Variants in KIF4A observed in about 807,000 individuals in gnomAD.
The protein encoded by KIF4A is chromosome-associated kinesin KIF4A.
A neutral mutation model predicts 105.9 loss-of-function variants in KIF4A; 7 were observed. The ratio of observed to expected loss-of-function variants is 0.07; its 90% CI spans 0.04 to 0.12. The LOEUF is 0.12. Among genes scored for constraint, KIF4A ranks in the 10% least tolerant of loss-of-function variants. The pLI is 1.00. For missense variants in KIF4A, 558 were observed against 929.2 expected, an observed-to-expected ratio of 0.60 and a Z score of 5.19; for synonymous variants, 281 against 331.3, an observed-to-expected ratio of 0.85 and a Z score of 1.65.
intron 7 of KIF4A, among the ~76,000 whole-genome samples, chrX:70,326,124 C>T (rs748449433): frequency 2.0e-4 from 22 of 111,876 alleles, no homozygotes; most frequent in Non-Finnish European, 4.1e-4. Flanking sequence ...ATCTATCATA[C>T]CATACTTCTG....
intron 18 of KIF4A, among the ~76,000 whole-genome samples, chrX:70,380,443 C>T (rs2086193071): frequency 8.9e-6 from 1 of 112,125 alleles, no homozygotes; most frequent in Non-Finnish European, 1.9e-5. Context: ...ATGATCATCT[C>T]AATAGACACA....
At chrX:70,380,112 T>G (rs1454157157) in intron 18 of KIF4A, among the ~76,000 whole-genome samples, 1 of 111,748 alleles carries the variant, frequency 8.9e-6, no homozygotes, top group Non-Finnish European at 1.9e-5. Context: ...GAGACCAGCC[T>G]GGCCAACATG....
intron 26 of KIF4A, 77 bp downstream of exon 26, chrX:70,405,982 C>A: frequency 1.3e-6 from 1 of 794,346 alleles, no homozygotes; most frequent in Non-Finnish European, 1.9e-6. Flanking sequence ...GGACCAACCC[C>A]CATTGTGGTG....
intron 3 of KIF4A, among the ~76,000 whole-genome samples, chrX:70,294,513 G>GTT (rs2085773295): frequency 8.9e-6 from 1 of 112,419 alleles, no homozygotes; most frequent in East Asian, 2.8e-4. Flanking sequence ...TAGCAGTGAA[G>GTT]TAGGTTTCTT....
rs904997099 is a variant in KIF4A at position 70,301,470 on chromosome X, C to A, written c.517-430C>A. ...CAGTGGAAACTGTACCATGCTATTT[C>A]CTCTAGTGAAAATGAGGTTAAAAAT... On this transcript the variant is annotated intron_variant, in intron 5 of 30. Transcript: ENST00000374403. Among the ~76,000 whole-genome samples the A allele has an allele frequency of 2.7e-5, 3 of 111,154 alleles. No individual in the cohort carries two copies. In the East Asian group the frequency reaches 8.4e-4, roughly 31 times the overall value.
At chrX:70,320,320 A>G (rs1162107605) in intron 7 of KIF4A, among the ~76,000 whole-genome samples, 1 of 111,945 alleles carries the variant, frequency 8.9e-6, no homozygotes, top group African/African-American at 3.3e-5. Context: ...TCTATTCTAA[A>G]TACCATAGCT....
chrX:70,337,379 A>G (rs928747356), intron 10 of KIF4A, among the ~76,000 whole-genome samples: 3 of 111,583 alleles, frequency 2.7e-5, no homozygotes, highest in African/African-American at 9.8e-5. Context: ...CAAACAAACA[A>G]AAAAACATGG....
intron 22 of KIF4A, among the ~76,000 whole-genome samples, chrX:70,400,388 G>A (rs1358469134): frequency 2.7e-5 from 3 of 111,723 alleles, no homozygotes; most frequent in Admixed American, 9.5e-5. Context: ...ATTCCATGGT[G>A]TATATGTGCC....
At chrX:70,381,504 C>T (rs916708644) in intron 18 of KIF4A, among the ~76,000 whole-genome samples, 1 of 111,436 alleles carries the variant, frequency 9.0e-6, no homozygotes, top group African/African-American at 3.3e-5. Context: ...GCCACTGCAC[C>T]ACTCCAGCCC....
Position 70,403,991 on chromosome X carries a change from T to C in KIF4A, c.2747T>C (p.Leu916Ser). The change falls in exon 24 of 31, where the codon TTA (leucine) becomes TCA (serine). Residue 916 changes from leucine to serine, a missense_variant. By Grantham distance (145) the Leu-to-Ser change is moderately radical. This residue lies in a region of KIF4A where 469 missense variants were observed against 680.4 expected (regional missense o/e 0.69). Coordinates refer to ENST00000374403, the MANE Select transcript of KIF4A (RefSeq NM_012310.5). ...CATTTTGCCGAGATAGAGACAGAGTTACAAGCTGAGCTGGTCAGAATGGAG... is the reference window on the plus strand; with the variant it reads ...CATTTTGCCGAGATAGAGACAGAGTCACAAGCTGAGCTGGTCAGAATGGAG... Reference protein sequence around the residue: ...RNHFAEIETELQAELVRMEQQ... With the variant: ...RNHFAEIETESQAELVRMEQQ... 1.7e-6 allele frequency: 2 copies of C among 1,209,724 alleles called. No individual in the cohort carries two copies. The highest frequency in any genetic ancestry group is 1.1e-6 in the Non-Finnish European group (1 of 895,214).
At position 70,302,393 on chromosome X, in the gene KIF4A, A is replaced by G. The variant is rs1035144622; in HGVS notation, c.773A>G (p.Lys258Arg). ...ACCAAGGCTGAAGGGGATCGTCTAA[A>G]AGAGGGTAAGAGAGTAATTAAGGTC... ...KKTKAEGDRL[K>R]EGININRGLL... The change falls in exon 7 of 31, where the codon AAA becomes AGA. Residue 258 changes from lysine (K) to arginine (R), a missense_variant. Around this residue, in one of 2 missense-constraint regions of KIF4A, gnomAD observed 89 missense variants for 248.8 expected, o/e 0.36. Coordinates refer to ENST00000374403, the MANE Select transcript of KIF4A (RefSeq NM_012310.5). 5.8e-6 allele frequency: 7 copies of G among 1,207,412 alleles called. No homozygotes were observed. In the African/African-American group the frequency reaches 1.0e-4, roughly 18 times the overall value.
At chrX:70,391,620 C>T (rs1227036622) in intron 20 of KIF4A, among the ~76,000 whole-genome samples, 9 of 108,118 alleles carry the variant, frequency 8.3e-5, no homozygotes, top group African/African-American at 1.3e-4. Context: ...TTTTTCTTTC[C>T]GACTTTTACT....
intron 15 of KIF4A, chrX:70,361,543 C>A: frequency 6.0e-6 from 1 of 165,922 alleles, no homozygotes. Flanking sequence ...GCTTCCAGAA[C>A]ATCCTGTGAA....
At chrX:70,408,598 C>T (rs1222483092) in intron 28 of KIF4A, among the ~76,000 whole-genome samples, 2 of 111,820 alleles carry the variant, frequency 1.8e-5, no homozygotes, top group African/African-American at 6.5e-5. Flanking sequence ...GCCTATAGCT[C>T]ATCACCTGGG....
At chrX:70,331,276 C>T (rs2085929396) in intron 9 of KIF4A, among the ~76,000 whole-genome samples, 1 of 111,612 alleles carries the variant, frequency 9.0e-6, no homozygotes, top group Non-Finnish European at 1.9e-5. Flanking sequence ...AAGTATAGTG[C>T]ATTTGAAGAA....
chrX:70,366,857 G>A (rs2086106129), intron 15 of KIF4A, among the ~76,000 whole-genome samples: 1 of 111,707 alleles, frequency 9.0e-6, no homozygotes, highest in Non-Finnish European at 1.9e-5. Flanking sequence ...AGGTGTTAAA[G>A]TCTCCCATTA....
intron 20 of KIF4A, among the ~76,000 whole-genome samples, chrX:70,394,794 C>G (rs1207925285): frequency 1.8e-5 from 2 of 112,099 alleles, no homozygotes; most frequent in Non-Finnish European, 3.8e-5. Flanking sequence ...CAATCGGCTC[C>G]TTTATCATGA....
intron 28 of KIF4A, among the ~76,000 whole-genome samples, chrX:70,412,936 AAAG>A (rs151127351): frequency 0.54 from 57,689 of 105,891 alleles, 13,389 homozygotes; most frequent in Non-Finnish European, 0.71. Context: ...AAAAAAAAAA[AAAG>A]AAGGGCATTT....
chrX:70,323,723 T>C (rs1221088322), intron 7 of KIF4A, among the ~76,000 whole-genome samples: 2 of 111,738 alleles, frequency 1.8e-5, no homozygotes, highest in Non-Finnish European at 3.8e-5. Flanking sequence ...TCTATATCCA[T>C]TTTAAAAACA....
Sources: allele counts gnomAD v4.1 joint callset (sites outside exome capture counted in the v4.1 genomes callset), GRCh38; gene constraint gnomAD v4.1.1; regional missense constraint gnomAD v4.1.1; transcripts MANE v1.5; gene names NCBI Gene and HGNC (gene_info 2026-07-23, HGNC 2026-07-21).